Variants in UBE2E2 observed in about 807,000 individuals in gnomAD.
The protein encoded by UBE2E2 is ubiquitin-conjugating enzyme E2 E2.
In UBE2E2, 6 loss-of-function variants were observed where a neutral mutation model predicts 24.7. The observed-to-expected ratio is 0.24, with a 90% CI of 0.13 to 0.48. The LOEUF is 0.48. Ranked by LOEUF, UBE2E2 falls within the 20% of genes least tolerant of loss-of-function variation. UBE2E2 has a pLI of 0.99. For synonymous variants in UBE2E2, 104 were observed against 83.6 expected (o/e 1.24, Z -1.33); for missense variants, 169 against 245.0 (o/e 0.69, Z 2.07).
chr3:23,511,012 G>A (rs1694582284), intron 4 of UBE2E2, among the ~76,000 whole-genome samples: 1 of 152,182 alleles, frequency 6.6e-6, no homozygotes, highest in Non-Finnish European at 1.5e-5. Context: ...AAGTAATCAT[G>A]TATGTACCAT....
intron 3 of UBE2E2, among the ~76,000 whole-genome samples, chr3:23,262,913 C>G (rs1037431478): frequency 1.3e-5 from 2 of 152,094 alleles, no homozygotes. Context: ...TTAAGCCTTA[C>G]TGTGGTCTTG....
intron 3 of UBE2E2, among the ~76,000 whole-genome samples, chr3:23,303,999 T>TA (rs1359913077): frequency 6.6e-6 from 1 of 152,218 alleles, no homozygotes; most frequent in Non-Finnish European, 1.5e-5. Context: ...CACTGGGCTT[T>TA]AGCACAGCTA....
At chr3:23,315,142 A>G (rs1694534822) in intron 3 of UBE2E2, among the ~76,000 whole-genome samples, 1 of 152,068 alleles carries the variant, frequency 6.6e-6, no homozygotes, top group Non-Finnish European at 1.5e-5. Flanking sequence ...ATTTTGGTGC[A>G]GCTGAGCTGG....
intron 4 of UBE2E2, among the ~76,000 whole-genome samples, chr3:23,503,169 GGTTGGTTGGTTTTTGTTTTTGT>G (rs1694323242): frequency 1.3e-5 from 2 of 148,928 alleles, no homozygotes; most frequent in African/African-American, 2.5e-5. Context: ...TTTGTCATTT[GGTTGGTTGGTTTTTGTTTTTGT>G]TTTTGTTTTT....
chr3:23,324,705 G>C (rs879744750), intron 3 of UBE2E2, among the ~76,000 whole-genome samples: 2 of 151,632 alleles, frequency 1.3e-5, no homozygotes, highest in African/African-American at 2.4e-5. Context: ...ATGTATAATT[G>C]AGTAAAGCTG....
chr3:23,461,258 G>T (rs1459771538), intron 3 of UBE2E2, among the ~76,000 whole-genome samples: 2 of 152,092 alleles, frequency 1.3e-5, no homozygotes, highest in Non-Finnish European at 2.9e-5. Flanking sequence ...TTAAAAGGCA[G>T]CCACAAATCA....
chr3:23,251,283 A>C (rs1162155542), intron 3 of UBE2E2, among the ~76,000 whole-genome samples: 1 of 152,190 alleles, frequency 6.6e-6, no homozygotes, highest in Non-Finnish European at 1.5e-5. Flanking sequence ...CAGATTTTCC[A>C]TGACCTCCTC....
intron 5 of UBE2E2, among the ~76,000 whole-genome samples, chr3:23,549,756 G>A (rs887508446): frequency 2.6e-5 from 4 of 152,100 alleles, no homozygotes; most frequent in African/African-American, 9.7e-5. Flanking sequence ...ATTTCAACCG[G>A]GCGCGGTGGC....
At chr3:23,484,041 T>C (rs1699311056) in intron 3 of UBE2E2, among the ~76,000 whole-genome samples, 1 of 152,152 alleles carries the variant, frequency 6.6e-6, no homozygotes, top group Admixed American at 6.5e-5. Context: ...AATATCACGG[T>C]TCTCCAGAGT....
At chr3:23,246,993 G>T (rs774400936) in intron 3 of UBE2E2, among the ~76,000 whole-genome samples, 8 of 152,110 alleles carry the variant, frequency 5.3e-5, no homozygotes, top group Non-Finnish European at 7.4e-5. Flanking sequence ...TGGGCTACAT[G>T]TGTGTGTTAA....
At chr3:23,367,121 C>G (rs980529790) in intron 3 of UBE2E2, among the ~76,000 whole-genome samples, 3 of 152,170 alleles carry the variant, frequency 2.0e-5, no homozygotes, top group South Asian at 2.1e-4. Context: ...TCCATCATCC[C>G]TTTAATGGAT....
At chr3:23,247,509 C>G (rs1481581239) in intron 3 of UBE2E2, among the ~76,000 whole-genome samples, 2 of 152,126 alleles carry the variant, frequency 1.3e-5, no homozygotes, top group Non-Finnish European at 1.5e-5. Context: ...TGCCCGCCAC[C>G]AAGCCTGGCT....
In UBE2E2 at chr3:23,410,516, G is replaced by A. The variant is rs370982096; in HGVS notation, c.228-89092G>A. On this transcript the variant is annotated intron_variant, in intron 3 of 5. Coordinates refer to ENST00000396703, the MANE Select transcript of UBE2E2 (RefSeq NM_152653.4). ...CATGTTTTTATGAATGTTCTAATAA[G>A]CCTTGCAGTTTATTATGAGGATTAG... is the stretch of plus-strand genomic sequence containing the variant. Among the ~76,000 whole-genome samples, 140 of 152,222 alleles carry A rather than the reference G, an allele frequency of 9.2e-4. 2 individuals are homozygous for A. In the South Asian group the frequency reaches 0.029, roughly 31 times the overall value.
chr3:23,557,219 C>T (rs1220406097), intron 5 of UBE2E2, among the ~76,000 whole-genome samples: 2 of 152,118 alleles, frequency 1.3e-5, no homozygotes, highest in East Asian at 3.8e-4. Context: ...GTGAGGAGCA[C>T]CTCCTACAAC....
chr3:23,463,914 T>C (rs1559391674), intron 3 of UBE2E2, among the ~76,000 whole-genome samples: 1 of 152,164 alleles, frequency 6.6e-6, no homozygotes, highest in Non-Finnish European at 1.5e-5. Flanking sequence ...ATTAAACCCT[T>C]TTAATGTTAA....
chr3:23,515,145 G>GTGTT (rs1694700032), intron 4 of UBE2E2, among the ~76,000 whole-genome samples: 1 of 151,828 alleles, frequency 6.6e-6, no homozygotes, highest in African/African-American at 2.4e-5. Flanking sequence ...GTGTGTGTGT[G>GTGTT]TGTGTGTGTA....
At chr3:23,330,373 T>C in intron 3 of UBE2E2, among the ~76,000 whole-genome samples, 1 of 152,176 alleles carries the variant, frequency 6.6e-6, no homozygotes, top group East Asian at 1.9e-4. Context: ...GAAGTAAACA[T>C]TGAAAAATAA....
At chr3:23,260,571 G>A (rs1697868144) in intron 3 of UBE2E2, among the ~76,000 whole-genome samples, 1 of 152,092 alleles carries the variant, frequency 6.6e-6, no homozygotes, top group Admixed American at 6.6e-5. Context: ...CCAGCACTTT[G>A]GGAGGTCGAG....
chr3:23,231,088 G>T (rs1696963337), intron 3 of UBE2E2, among the ~76,000 whole-genome samples: 1 of 152,164 alleles, frequency 6.6e-6, no homozygotes, highest in Non-Finnish European at 1.5e-5. Context: ...ATTTCAGAGA[G>T]ATTTTCAGTT....
Sources: gnomAD v4.1 joint callset for allele counts (sites outside exome capture counted in the v4.1 genomes callset) on GRCh38, gnomAD v4.1.1 for gene constraint, MANE v1.5 for transcripts, NCBI Gene and HGNC (gene_info 2026-07-23, HGNC 2026-07-21) for gene names.